Variants in MYO3B observed in about 807,000 individuals in gnomAD.
MYO3B encodes myosin-IIIb.
A neutral mutation model predicts 174.6 loss-of-function variants in MYO3B; 156 were observed. That is an observed-to-expected ratio of 0.89 (90% CI 0.78 to 1.02). The LOEUF (loss-of-function observed/expected upper bound fraction) is 1.02. Among genes scored for constraint, MYO3B ranks in the 50% least tolerant of loss-of-function variants. MYO3B has a pLI of 0.00. For synonymous variants in MYO3B, 563 were observed against 569.1 expected, an observed-to-expected ratio of 0.99 and a Z score of 0.15; for missense variants, 1,632 against 1,639.4, an observed-to-expected ratio of 1.00 and a Z score of 0.08.
chr2:170,276,099 A>C (rs1411627586), intron 7 of MYO3B, among the ~76,000 whole-genome samples: 1 of 152,202 alleles, frequency 6.6e-6, no homozygotes, highest in Non-Finnish European at 1.5e-5. Context: ...TTACTCCTAG[A>C]ATAGCAATGG....
intron 1 of MYO3B, chr2:170,180,090 G>A: frequency 2.7e-6 from 1 of 367,304 alleles, no homozygotes; most frequent in Non-Finnish European, 5.8e-6. Context: ...AAATGTTGCT[G>A]GGCAAGTTTC....
intron 7 of MYO3B, chr2:170,332,421 G>A (rs2093918180): frequency 6.6e-6 from 1 of 152,144 alleles, no homozygotes; most frequent in African/African-American, 2.4e-5. Context: ...AGAGAGAGGA[G>A]CACTCACAAA....
At chr2:170,449,147 C>T (rs1266688378) in intron 23 of MYO3B, among the ~76,000 whole-genome samples, 1 of 152,162 alleles carries the variant, frequency 6.6e-6, no homozygotes, top group Non-Finnish European at 1.5e-5. Flanking sequence ...TCTTTATTTA[C>T]TACAGATCAG....
At chr2:170,547,442 C>G (rs1020625368) in intron 32 of MYO3B, among the ~76,000 whole-genome samples, 2 of 152,070 alleles carry the variant, frequency 1.3e-5, no homozygotes, top group African/African-American at 4.8e-5. Context: ...GTCACTTGGT[C>G]ACTAATCCAA....
chr2:170,370,892 C>T (rs1458496460), intron 9 of MYO3B, among the ~76,000 whole-genome samples: 3 of 151,988 alleles, frequency 2.0e-5, no homozygotes, highest in Admixed American at 2.0e-4. Context: ...TGCTCTCTCT[C>T]TCTCTCTCTT....
At chr2:170,247,327 G>A (rs2093202333) in intron 7 of MYO3B, among the ~76,000 whole-genome samples, 1 of 151,482 alleles carries the variant, frequency 6.6e-6, no homozygotes. Flanking sequence ...GTGTCCATCT[G>A]GGCAAGGGTC....
At chr2:170,573,858 C>T (rs1692618672) in intron 32 of MYO3B, among the ~76,000 whole-genome samples, 1 of 152,136 alleles carries the variant, frequency 6.6e-6, no homozygotes. Context: ...CCTAGTCATT[C>T]TCAAGTTAAT....
At chr2:170,624,789 T>C (rs557380722) in intron 32 of MYO3B, among the ~76,000 whole-genome samples, 7 of 152,210 alleles carry the variant, frequency 4.6e-5, no homozygotes, top group Admixed American at 4.6e-4. Flanking sequence ...CTGTTGAATT[T>C]TGTCAAAGGC....
chr2:170,320,618 CTT>C (rs2093818487), intron 7 of MYO3B, among the ~76,000 whole-genome samples: 1 of 151,812 alleles, frequency 6.6e-6, no homozygotes, highest in African/African-American at 2.4e-5. Context: ...TTGGTATACA[CTT>C]AGTTTTAAAT....
At chr2:170,470,209 T>C (rs949963262) in intron 25 of MYO3B, among the ~76,000 whole-genome samples, 2 of 151,316 alleles carry the variant, frequency 1.3e-5, no homozygotes, top group Non-Finnish European at 2.9e-5. Flanking sequence ...TCATAGAACA[T>C]TTCATTACCT....
At chr2:170,503,143 T>G (rs1323954955) in intron 28 of MYO3B, among the ~76,000 whole-genome samples, 1 of 152,222 alleles carries the variant, frequency 6.6e-6, no homozygotes, top group Non-Finnish European at 1.5e-5. Flanking sequence ...TCTTGCAGTT[T>G]GGTACAAAGG....
intron 7 of MYO3B, among the ~76,000 whole-genome samples, chr2:170,296,407 G>A (rs1214427089): frequency 1.3e-5 from 2 of 152,156 alleles, no homozygotes; most frequent in African/African-American, 4.8e-5. Flanking sequence ...CACTCACATG[G>A]TACACCACAA....
At chr2:170,407,012 C>T (rs955088698) in intron 21 of MYO3B, among the ~76,000 whole-genome samples, 3 of 152,282 alleles carry the variant, frequency 2.0e-5, no homozygotes, top group African/African-American at 7.2e-5. Flanking sequence ...TGACCGTGGG[C>T]ACATTACTCA....
intron 8 of MYO3B, among the ~76,000 whole-genome samples, chr2:170,336,765 A>G (rs1300406372): frequency 6.6e-6 from 1 of 152,158 alleles, no homozygotes; most frequent in African/African-American, 2.4e-5. Flanking sequence ...CTGAATTCCA[A>G]AATACATTTG....
chr2:170,213,599 G>A lies in MYO3B; in HGVS notation c.322-780G>A, dbSNP rs148931505. 8.4e-3 allele frequency among the ~76,000 whole-genome samples: 1,281 copies of A among 152,234 alleles called. 10 individuals carry two copies. The highest frequency in any genetic ancestry group is 0.031 in the Middle Eastern group (9 of 294). On this transcript the variant is annotated intron_variant, in intron 3 of 34. Transcript: ENST00000408978. ...CTTTTGTTTTGCTTTTCTTTTCTGA[G>A]TATAAAACAATATAAAACAATATGA...
intron 7 of MYO3B, among the ~76,000 whole-genome samples, chr2:170,298,890 T>C (rs2093646356): frequency 6.6e-6 from 1 of 152,124 alleles, no homozygotes. Context: ...ACCTTTTCTA[T>C]GTTTAGATAC....
intron 9 of MYO3B, among the ~76,000 whole-genome samples, chr2:170,379,705 A>C (rs1003435520): frequency 7.9e-5 from 12 of 152,188 alleles, no homozygotes; most frequent in African/African-American, 2.7e-4. Context: ...CAGATAAATA[A>C]TTCTGTTTAA....
At chr2:170,234,176 AAAAAAAAAAAACAAAAC>A (rs1453510828) in intron 6 of MYO3B, among the ~76,000 whole-genome samples, 747 of 72,284 alleles carry the variant, frequency 0.01, 24 homozygotes, top group African/African-American at 0.048. Flanking sequence ...GTCTCAAAAA[AAAAAAAAAAAACAAAAC>A]AAAACAAAAA....
chr2:170,379,666 T>C (rs1186602628), intron 9 of MYO3B, among the ~76,000 whole-genome samples: 1 of 152,228 alleles, frequency 6.6e-6, no homozygotes, highest in East Asian at 1.9e-4. Flanking sequence ...AATTTGATTT[T>C]TCTTTGCCAT....
Sources: allele counts gnomAD v4.1 joint callset (sites outside exome capture counted in the v4.1 genomes callset), GRCh38; gene constraint gnomAD v4.1.1; transcripts MANE v1.5; gene names NCBI Gene and HGNC (gene_info 2026-07-23, HGNC 2026-07-21).